The following CFLAR variants were observed in gnomAD, a reference collection of about 807,000 sequenced individuals.
The protein encoded by CFLAR is CASP8 and FADD like apoptosis regulator, also known as CASP8 and FADD-like apoptosis regulator.
Under a neutral mutation model 51.1 loss-of-function variants are expected in CFLAR, and 14 were observed. The ratio of observed to expected loss-of-function variants is 0.27; its 90% CI spans 0.18 to 0.43. The LOEUF (loss-of-function observed/expected upper bound fraction) is 0.43. CFLAR is among the 20% of genes least tolerant of loss of function. The pLI is 1.00. For synonymous variants in CFLAR, 210 were observed against 211.6 expected (o/e 0.99, Z 0.06); for missense variants, 390 against 566.5 (o/e 0.69, Z 3.16).
intron 9 of CFLAR, among the ~76,000 whole-genome samples, chr2:201,161,999 C>T (rs1000277347): frequency 1.4e-4 from 21 of 151,188 alleles, no homozygotes; most frequent in Non-Finnish European, 2.2e-4. Flanking sequence ...CCACGTACCT[C>T]GGCCTGCCAA....
intron 9 of CFLAR, 38 bp downstream of exon 9, chr2:201,160,980 CT>C: frequency 6.7e-7 from 1 of 1,493,890 alleles, no homozygotes; most frequent in Non-Finnish European, 9.2e-7. Flanking sequence ...GGACCACCTG[CT>C]TATTTTCGTG....
intron 3 of CFLAR, among the ~76,000 whole-genome samples, chr2:201,135,030 T>C (rs1422966287): frequency 2.0e-5 from 3 of 152,272 alleles, no homozygotes; most frequent in Non-Finnish European, 4.4e-5. Flanking sequence ...AGCACTTCAG[T>C]AACTAAATGT....
At chr2:201,149,318 C>T in intron 7 of CFLAR, 1 of 360,926 alleles carries the variant, frequency 2.8e-6, no homozygotes, top group East Asian at 5.3e-5. Context: ...TATTAGTCAG[C>T]AGTGATACTT....
At chr2:201,131,268 G>A (rs148677769) in intron 2 of CFLAR, among the ~76,000 whole-genome samples, 406 of 151,902 alleles carry the variant, frequency 2.7e-3, no homozygotes, top group African/African-American at 8.2e-3. Context: ...ACAAAGTCTC[G>A]CTCTGCAGCC....
chr2:201,153,275 G>A (rs1374334772), intron 8 of CFLAR: 4 of 152,182 alleles, frequency 2.6e-5, no homozygotes, highest in Non-Finnish European at 5.9e-5. Context: ...CTTGTGCTAT[G>A]GTTTTCATCA....
At chr2:201,125,561 G>C (rs1195090859) in intron 1 of CFLAR, among the ~76,000 whole-genome samples, 1 of 152,030 alleles carries the variant, frequency 6.6e-6, no homozygotes. Flanking sequence ...AGAGGGACAG[G>C]AGGGACCAGC....
At chr2:201,132,883 G>T (rs1411178175) in intron 2 of CFLAR, 146 bp from the exon 3 acceptor site, 5 of 694,746 alleles carry the variant, frequency 7.2e-6, no homozygotes, top group Non-Finnish European at 1.2e-5. Context: ...GGTGATCTAG[G>T]CTTGCTGTTT....
chr2:201,160,089 T>G (rs1002526667), intron 8 of CFLAR, among the ~76,000 whole-genome samples: 45 of 152,158 alleles, frequency 3.0e-4, no homozygotes, highest in African/African-American at 1.0e-3. Flanking sequence ...AGAGAAAGAT[T>G]GTGAGGTCTG....
intron 5 of CFLAR, chr2:201,141,448 C>T: frequency 6.4e-7 from 1 of 1,550,416 alleles, no homozygotes; most frequent in Non-Finnish European, 8.7e-7. Context: ...CATGGAACTG[C>T]CTCTACTTAA....
Position 201,160,527 on chromosome 2 carries a change from G to T in CFLAR, c.889G>T (p.Ala297Ser), listed in dbSNP as rs767106288. Residue 297 changes from alanine to serine, a missense_variant, in exon 9 of 10, where the codon GCC becomes TCC. By Grantham distance (99) the Ala-to-Ser change is moderately conservative. Transcript: ENST00000309955. ...TATATCCCAGATTCTTGGCCAATTT[G>T]CCTGTATGCCCGAGCACCGAGACTA... ...HGISQILGQF[A>S]CMPEHRDYDS... 5.0e-6 allele frequency: 8 copies of T among 1,613,072 alleles called. No homozygotes were observed. Among genetic ancestry groups the T allele is most frequent in the Non-Finnish European group, 6.8e-6 (8 of 1,179,770 alleles).
intron 6 of CFLAR, 106 bp downstream of exon 6, chr2:201,145,538 G>GTAT: frequency 2.7e-6 from 2 of 749,982 alleles, no homozygotes; most frequent in South Asian, 3.3e-5. Context: ...CATAATCTAA[G>GTAT]TAAGCTCTCA....
In CFLAR at chr2:201,138,704, G is replaced by A. The variant is rs1046957717; in HGVS notation, c.524-1653G>A. 2.5e-5 allele frequency: 21 copies of A among 825,492 alleles called. No homozygotes were observed. Among genetic ancestry groups the A allele is most frequent in the African/African-American group, 8.3e-5 (5 of 60,092 alleles). The allele number at this position is 825,492 out of a possible 1,614,324, so 51.1% of individuals were successfully genotyped here. Reference sequence around the variant, plus strand: ...CAGTGTGCAAGGGGCTCAGCACCACGGGGTGTGTGATAAAGCCCGGTTCAA... The same window carrying A: ...CAGTGTGCAAGGGGCTCAGCACCACAGGGTGTGTGATAAAGCCCGGTTCAA... On this transcript the variant is annotated intron_variant, in intron 4 of 9. Transcript: ENST00000309955. The surrounding 1 kb of genome is among the most constrained non-coding windows in gnomAD (Gnocchi z 4.0).
intron 7 of CFLAR, 177 bp downstream of exon 7, chr2:201,149,229 T>G: frequency 1.9e-6 from 1 of 532,010 alleles, no homozygotes; most frequent in Non-Finnish European, 3.4e-6. Flanking sequence ...GATGTTAAAG[T>G]GGATTGCATT....
rs995412790 is a variant in CFLAR, at chr2:201,166,324, C to G, written c.*2351C>G. On this transcript the variant is annotated 3_prime_UTR_variant, in exon 10 of 10. Transcript: ENST00000309955. ...GCGGAGGGGCTCCTCACTTCTCAGACGGGGTGGCTGCTGGGCGGAGACGCT... is the reference window on the plus strand; with the variant it reads ...GCGGAGGGGCTCCTCACTTCTCAGAGGGGGTGGCTGCTGGGCGGAGACGCT... 6.0e-6 allele frequency: 1 copy of G among 166,224 alleles called. No individual in the cohort carries two copies. Among genetic ancestry groups the G allele is most frequent in the African/African-American group, 2.4e-5 (1 of 41,518 alleles). The allele number at this position is 166,224 out of a possible 1,614,324, so 10.3% of individuals were successfully genotyped here. A position where few individuals can be genotyped will look rare whatever the true frequency, so the allele number is the denominator to read the frequency against.
At chr2:201,163,070 A>AT (rs781488142) in intron 9 of CFLAR, 5 of 754,342 alleles carry the variant, frequency 6.6e-6, no homozygotes, top group Non-Finnish European at 1.2e-5. Context: ...ATCTTACTAG[A>AT]TGTCCTATAG....
In CFLAR at chr2:201,174,939, C is replaced by G. The variant is rs1214293918; in HGVS notation, c.*10966C>G. 2 of 152,162 alleles carry G rather than the reference C, an allele frequency of 1.3e-5. No homozygotes were observed. Among genetic ancestry groups the G allele is most frequent in the African/African-American group, 4.8e-5 (2 of 41,432 alleles). 9.4% of individuals were successfully genotyped at this position (152,162 alleles called of 1,614,324 possible). ...GGTGACAGAAGAGACCTCTGGTTAC[C>G]TTTGCTGCCCATTCTATGGTAATTA... is the stretch of plus-strand genomic sequence containing the variant. On this transcript the variant is annotated 3_prime_UTR_variant, in exon 10 of 10. Coordinates refer to ENST00000309955, the MANE Select transcript of CFLAR (RefSeq NM_003879.7).
At position 201,169,604 on chromosome 2, in the gene CFLAR, T is replaced by C. The variant is rs1943887899; in HGVS notation, c.*5631T>C. 1 of 152,102 alleles carries C rather than the reference T, an allele frequency of 6.6e-6. No homozygotes were observed. Among genetic ancestry groups the C allele is most frequent in the African/African-American group, 2.4e-5 (1 of 41,420 alleles). 9.4% of individuals were successfully genotyped at this position (152,102 alleles called of 1,614,324 possible). A position where few individuals can be genotyped will look rare whatever the true frequency, so the allele number is the denominator to read the frequency against. On this transcript the variant is annotated 3_prime_UTR_variant, in exon 10 of 10. Coordinates refer to ENST00000309955, the MANE Select transcript of CFLAR (RefSeq NM_003879.7). Reference sequence around the variant, plus strand: ...TTGCAACAAAAGCAAAAATTACAAATGGGATCTAATTAAACTAAAGAGCTC... The same window carrying C: ...TTGCAACAAAAGCAAAAATTACAAACGGGATCTAATTAAACTAAAGAGCTC...
At chr2:201,133,389 T>C (rs924242660) in intron 3 of CFLAR, among the ~76,000 whole-genome samples, 1 of 152,220 alleles carries the variant, frequency 6.6e-6, no homozygotes, top group African/African-American at 2.4e-5. Context: ...GTAAAATTCA[T>C]AGGTCTGGCT....
intron 4 of CFLAR, chr2:201,137,498 C>T (rs371323672): frequency 5.0e-6 from 3 of 600,384 alleles, no homozygotes; most frequent in East Asian, 3.1e-5. Context: ...TCCACCATCT[C>T]GCCCTGCACC....
Sources: allele counts gnomAD v4.1 joint callset (sites outside exome capture counted in the v4.1 genomes callset), GRCh38; gene constraint gnomAD v4.1.1; non-coding constraint Gnocchi (gnomAD v3.1); transcripts MANE v1.5; gene names NCBI Gene and HGNC (gene_info 2026-07-23, HGNC 2026-07-21).